USP50: variants seen among roughly 807,000 people sequenced by gnomAD.
USP50 encodes the protein ubiquitin carboxyl-terminal hydrolase 50.
A neutral mutation model predicts 39.2 loss-of-function variants in USP50; 37 were observed. The ratio of observed to expected loss-of-function variants is 0.94; its 90% confidence interval spans 0.73 to 1.24. The LOEUF (loss-of-function observed/expected upper bound fraction) is 1.24. Ranked by LOEUF, USP50 falls within the 50% of genes most tolerant of loss-of-function variation. The pLI is 0.00. For missense variants in USP50, 374 were observed against 398.2 expected, an observed-to-expected ratio of 0.94 and a Z score of 0.52; for synonymous variants, 139 against 144.5, an observed-to-expected ratio of 0.96 and a Z score of 0.27.
At chr15:50,535,924 A>G in intron 5 of USP50, among the ~76,000 whole-genome samples, 1 of 152,190 alleles carries the variant, frequency 6.6e-6, no homozygotes, top group East Asian at 1.9e-4. Context: ...GTCTGACAAA[A>G]TCCAATACCC....
chr15:50,535,419 G>C (rs902141156), intron 5 of USP50, among the ~76,000 whole-genome samples: 11 of 152,224 alleles, frequency 7.2e-5, no homozygotes, highest in Non-Finnish European at 1.0e-4. Context: ...ATAAGGGTAA[G>C]TTAGACCTTC....
chr15:50,525,739 AT>A (rs1051770284), intron 6 of USP50, among the ~76,000 whole-genome samples: 7 of 146,834 alleles, frequency 4.8e-5, no homozygotes, highest in Non-Finnish European at 8.9e-5. Flanking sequence ...GTATATGTAT[AT>A]AATCTCTCAA....
intron 6 of USP50, among the ~76,000 whole-genome samples, chr15:50,516,486 G>A (rs573412822): frequency 3.6e-4 from 54 of 152,074 alleles, no homozygotes; most frequent in Middle Eastern, 3.4e-3. Context: ...GCGTGGTGGC[G>A]GGCGCCTGTA....
At chr15:50,521,684 C>T (rs187410760) in intron 6 of USP50, among the ~76,000 whole-genome samples, 5 of 152,112 alleles carry the variant, frequency 3.3e-5, no homozygotes, top group East Asian at 3.9e-4. Context: ...GAAATGAAGC[C>T]GAGTACAATG....
At chr15:50,507,577 C>G (rs933353362) in intron 6 of USP50, 1 of 152,054 alleles carries the variant, frequency 6.6e-6, no homozygotes, top group Non-Finnish European at 1.5e-5. Context: ...TTTGAAACTG[C>G]TACCTACCTA....
At chr15:50,519,599 C>T (rs1277817968) in intron 6 of USP50, among the ~76,000 whole-genome samples, 3 of 152,010 alleles carry the variant, frequency 2.0e-5, no homozygotes, top group Admixed American at 6.6e-5. Flanking sequence ...CCTGTAATCC[C>T]AGCTACTCAG....
chr15:50,495,132 C>G (rs746516452), intron 1 of USP50, among the ~76,000 whole-genome samples: 1 of 151,480 alleles, frequency 6.6e-6, no homozygotes, highest in Non-Finnish European at 1.5e-5. Flanking sequence ...ACTACAACTT[C>G]TTTTTAGCAC....
chr15:50,493,886 G>A (rs571158748), downstream of USP50: 9 of 783,488 alleles, frequency 1.1e-5, no homozygotes, highest in Admixed American at 7.5e-5. Context: ...AAAGAAGGAA[G>A]CTGAAGGGAT....
intron 6 of USP50, chr15:50,510,294 CTT>C (rs1401856928): frequency 6.6e-6 from 1 of 152,008 alleles, no homozygotes; most frequent in Admixed American, 6.6e-5. Flanking sequence ...AGGTAAATAT[CTT>C]TGTAATTCCA....
At chr15:50,512,036 G>C (rs1314910474) in intron 6 of USP50, 2 of 151,960 alleles carry the variant, frequency 1.3e-5, no homozygotes, top group Non-Finnish European at 2.9e-5. Flanking sequence ...ACGCAGAATA[G>C]GCACATCTAT....
intron 1 of USP50, among the ~76,000 whole-genome samples, chr15:50,494,618 T>TATATA (rs1249810815): frequency 6.6e-6 from 1 of 152,250 alleles, no homozygotes; most frequent in Non-Finnish European, 1.5e-5. Flanking sequence ...ATGTTATGTT[T>TATATA]ATATAATATG....
At chr15:50,506,180 G>C (rs1252121660) in intron 6 of USP50, 2 of 152,294 alleles carry the variant, frequency 1.3e-5, no homozygotes, top group African/African-American at 4.8e-5. Flanking sequence ...GTAGCAGCAA[G>C]AACAACAGGG....
chr15:50,512,548 G>A (rs2052751740), intron 6 of USP50: 1 of 152,504 alleles, frequency 6.6e-6, no homozygotes, highest in South Asian at 2.1e-4. Flanking sequence ...AGCACTTTGG[G>A]AGGCCCTGAG....
At chr15:50,522,588 A>G (rs2052858651) in intron 6 of USP50, among the ~76,000 whole-genome samples, 1 of 152,202 alleles carries the variant, frequency 6.6e-6, no homozygotes, top group South Asian at 2.1e-4. Context: ...AGAAAATTAC[A>G]AGGCAAGAGC....
chr15:50,512,928 A>G (rs990706758), intron 6 of USP50: 3 of 152,196 alleles, frequency 2.0e-5, no homozygotes, highest in Non-Finnish European at 4.4e-5. Flanking sequence ...CAAACCAAAA[A>G]CAAAAAAGTT....
chr15:50,546,304 T>A (rs944009569), intron 1 of USP50, among the ~76,000 whole-genome samples, 169 bp downstream of exon 1: 2 of 152,170 alleles, frequency 1.3e-5, no homozygotes, highest in Admixed American at 1.3e-4. Flanking sequence ...AGGAAGGACA[T>A]GTATTTATTG....
chr15:50,543,963 G>A (rs993834438), intron 2 of USP50, 170 bp from the exon 3 acceptor site: 7 of 636,576 alleles, frequency 1.1e-5, no homozygotes, highest in South Asian at 7.3e-5. Context: ...CCAGAAGGTC[G>A]AGGCTGCAGT....
Position 50,500,672 on chromosome 15 carries a change from G to T in USP50, c.*97C>A. The T allele has an allele frequency of 8.4e-7, 1 of 1,193,190 alleles. No homozygotes were observed. The allele number at this position is 1,193,190 out of a possible 1,614,324, so 73.9% of individuals were successfully genotyped here. On this transcript the variant is annotated 3_prime_UTR_variant, in exon 7 of 7. Coordinates refer to ENST00000532404, the MANE Select transcript of USP50 (RefSeq NM_203494.5). The stretch of plus-strand genomic sequence containing the variant: ...CCTGGCTCTTAACGCTTTTGTATTG[G>T]TATGGAAAAGGGCTGGCAGCTATAG...
intron 6 of USP50, among the ~76,000 whole-genome samples, chr15:50,516,967 G>A (rs1338198473): frequency 6.6e-6 from 1 of 152,132 alleles, no homozygotes; most frequent in Non-Finnish European, 1.5e-5. Context: ...TGCAGTAACA[G>A]TAGGAGACTT....
Sources: gnomAD v4.1 joint callset for allele counts (sites outside exome capture counted in the v4.1 genomes callset) on GRCh38, gnomAD v4.1.1 for gene constraint, MANE v1.5 for transcripts, NCBI Gene and HGNC (gene_info 2026-07-23, HGNC 2026-07-21) for gene names.